Variants in CSMD1 observed in about 807,000 individuals in gnomAD.
CSMD1 encodes the protein CUB and sushi domain-containing protein 1.
In CSMD1, 213 loss-of-function variants were observed where a neutral mutation model predicts 417.5. The ratio of observed to expected loss-of-function variants is 0.51; its 90% CI spans 0.46 to 0.57. The LOEUF (loss-of-function observed/expected upper bound fraction) is 0.57, where lower values mean the gene tolerates loss of function less well. Among genes scored for constraint, CSMD1 ranks in the 20% least tolerant of loss-of-function variants. CSMD1 has a pLI of 0.00. For missense variants in CSMD1, 6,923 were observed against 4,529.7 expected (o/e 1.53, Z -15.17); for synonymous variants, 2,862 against 1,736.8 (o/e 1.65, Z -16.11).
rs746797973 is a variant in CSMD1, at chr8:3,387,510, G to C, written c.2766C>G (p.Ala922=). The change falls in exon 18 of 70, where the codon GCC becomes GCG. Residue 922 remains alanine (A), a synonymous_variant. Coordinates refer to ENST00000635120, the MANE Select transcript of CSMD1 (RefSeq NM_033225.6). The part of the protein sequence containing the change: ...VCERNHQWNH[A]LPSCDALCGG... Reference sequence around the variant, plus strand: ...TGTACCTACCGTCGCAGCTGGGCAAGGCGTGGTTCCACTGGTGGTTCCTCT... The same window carrying C: ...TGTACCTACCGTCGCAGCTGGGCAACGCGTGGTTCCACTGGTGGTTCCTCT... The C allele has an allele frequency of 1.6e-5, 25 of 1,601,218 alleles. No individual in the cohort carries two copies. The highest frequency in any genetic ancestry group is 2.7e-5 in the African/African-American group (2 of 74,818).
At chr8:3,540,244 T>G (rs1798381174) in intron 10 of CSMD1, among the ~76,000 whole-genome samples, 1 of 152,222 alleles carries the variant, frequency 6.6e-6, no homozygotes, top group Non-Finnish European at 1.5e-5. Context: ...CAGCACTTCC[T>G]GATTCAACTT....
intron 1 of CSMD1, among the ~76,000 whole-genome samples, chr8:4,929,494 A>T (rs1807092129): frequency 6.6e-6 from 1 of 152,180 alleles, no homozygotes; most frequent in African/African-American, 2.4e-5. Flanking sequence ...GAGATGCTGG[A>T]TATTTCAGGG....
chr8:4,842,044 C>T lies in CSMD1; in HGVS notation c.85+152288G>A, dbSNP rs150622347. On this transcript the variant is annotated intron_variant, in intron 1 of 69. Transcript: ENST00000635120. The stretch of plus-strand genomic sequence containing the variant: ...TTTTTCAAGGGAGCTGAGAGAGATG[C>T]TTTTCAATCAACATGTAAATTTCCT... 1.4e-3 allele frequency among the ~76,000 whole-genome samples: 214 copies of T among 151,218 alleles called. 2 individuals carry two copies. Among genetic ancestry groups the T allele is most frequent in the East Asian group, 9.8e-3 (50 of 5,094 alleles).
At chr8:4,192,346 G>C (rs916501230) in intron 3 of CSMD1, among the ~76,000 whole-genome samples, 2 of 152,116 alleles carry the variant, frequency 1.3e-5, no homozygotes, top group African/African-American at 4.8e-5. Flanking sequence ...GCTATAATCA[G>C]CAGTTCTTGG....
chr8:4,852,987 C>T (rs368867455), intron 1 of CSMD1, among the ~76,000 whole-genome samples: 5 of 152,268 alleles, frequency 3.3e-5, no homozygotes, highest in African/African-American at 1.2e-4. Flanking sequence ...CTGCTTATAA[C>T]AGTCTACACT....
At chr8:3,405,668 C>G (rs1212340013) in intron 15 of CSMD1, among the ~76,000 whole-genome samples, 1 of 152,126 alleles carries the variant, frequency 6.6e-6, no homozygotes, top group South Asian at 2.1e-4. Context: ...AATTTAGACA[C>G]AGGGACAGAC....
chr8:3,634,981 G>T (rs1283453954), intron 7 of CSMD1, among the ~76,000 whole-genome samples: 1 of 152,012 alleles, frequency 6.6e-6, no homozygotes, highest in Admixed American at 6.5e-5. Context: ...TAACACAATG[G>T]TAAGAAATTT....
At chr8:4,024,183 A>C (rs1479315898) in intron 4 of CSMD1, among the ~76,000 whole-genome samples, 1 of 152,188 alleles carries the variant, frequency 6.6e-6, no homozygotes, top group African/African-American at 2.4e-5. Context: ...TCCAGTTCAT[A>C]AATATAACAG....
At chr8:3,031,625 C>G (rs1005491269) in intron 50 of CSMD1, among the ~76,000 whole-genome samples, 1 of 151,856 alleles carries the variant, frequency 6.6e-6, no homozygotes, top group African/African-American at 2.4e-5. Flanking sequence ...GTCCTGAAGT[C>G]TTGGGTCAAG....
chr8:4,393,241 G>C (rs1394817769), intron 3 of CSMD1, among the ~76,000 whole-genome samples: 1 of 152,156 alleles, frequency 6.6e-6, no homozygotes, highest in East Asian at 1.9e-4. Flanking sequence ...CTCCCAAAGT[G>C]CTGGGATTAC....
rs558768287 is a variant in CSMD1 at position 3,294,927 on chromosome 8, C to G, written c.3951-10581G>C. Among the ~76,000 whole-genome samples the G allele has an allele frequency of 2.0e-5, 3 of 152,164 alleles. No individual in the cohort carries two copies. In the South Asian group the frequency reaches 6.2e-4, roughly 32 times the overall value. On this transcript the variant is annotated intron_variant, in intron 25 of 69. Transcript: ENST00000635120. The stretch of plus-strand genomic sequence containing the variant: ...TCTTCTGCGTCATTCATGCTGGGAG[C>G]TGTAGACTGGAGCTGTTCCTATTTG...
At chr8:2,965,413 A>G (rs968351505) in intron 59 of CSMD1, among the ~76,000 whole-genome samples, 3 of 151,978 alleles carry the variant, frequency 2.0e-5, no homozygotes, top group Admixed American at 6.6e-5. Context: ...AATTCCTACA[A>G]TTAGATTCAC....
rs370122067 is a variant in CSMD1 at position 4,031,606 on chromosome 8, T to C, written c.610+299A>G. Reference sequence around the variant, plus strand: ...CATATCAGAAGTCATAAACTTGCTATTGACTTTATGTGGTCCAAGCATGAC... The same window carrying C: ...CATATCAGAAGTCATAAACTTGCTACTGACTTTATGTGGTCCAAGCATGAC... On this transcript the variant is annotated intron_variant, in intron 4 of 69. Transcript: ENST00000635120. Among the ~76,000 whole-genome samples the C allele has an allele frequency of 2.4e-3, 364 of 152,216 alleles. 1 individual carries two copies. Among genetic ancestry groups the C allele is most frequent in the Middle Eastern group, 6.8e-3 (2 of 294 alleles).
chr8:3,603,528 G>A (rs1009139112), intron 8 of CSMD1, among the ~76,000 whole-genome samples: 1 of 152,040 alleles, frequency 6.6e-6, no homozygotes, highest in Non-Finnish European at 1.5e-5. Flanking sequence ...ATCACTTACA[G>A]AAATGAACAC....
chr8:4,979,873 T>A (rs933968492), intron 1 of CSMD1, among the ~76,000 whole-genome samples: 87 of 151,958 alleles, frequency 5.7e-4, no homozygotes, highest in African/African-American at 2.0e-3. Context: ...CCATCTCTAC[T>A]AAAAATACAA....
chr8:3,998,488 C>T (rs578178764), intron 4 of CSMD1, among the ~76,000 whole-genome samples: 49 of 152,160 alleles, frequency 3.2e-4, no homozygotes, highest in Middle Eastern at 3.4e-3. Flanking sequence ...AACATGTGGG[C>T]GTTTATTCAT....
In CSMD1 at chr8:3,119,124, G is replaced by A. The variant is rs187297732; in HGVS notation, c.6242-537C>T. On this transcript the variant is annotated intron_variant, in intron 41 of 69. Coordinates refer to ENST00000635120, the MANE Select transcript of CSMD1 (RefSeq NM_033225.6). Reference sequence around the variant, plus strand: ...GAACCTGGGAGGTGAAGTTTGCAGTGAGCCGAGATCTTGCCACTGCGCTCC... The same window carrying A: ...GAACCTGGGAGGTGAAGTTTGCAGTAAGCCGAGATCTTGCCACTGCGCTCC... 3.6e-3 allele frequency among the ~76,000 whole-genome samples: 545 copies of A among 152,056 alleles called. 4 individuals are homozygous for A. The highest frequency in any genetic ancestry group is 6.0e-3 in the Non-Finnish European group (406 of 67,978).
intron 5 of CSMD1, among the ~76,000 whole-genome samples, chr8:3,788,481 T>C (rs1406737421): frequency 6.6e-6 from 1 of 152,182 alleles, no homozygotes; most frequent in Non-Finnish European, 1.5e-5. Flanking sequence ...TGGGGAATTC[T>C]TTCCTACTTA....
At position 3,303,941 on chromosome 8, in the gene CSMD1, TGCGCCCCA is replaced by T. The variant is rs1804610198; in HGVS notation, c.3950+3746_3950+3753del. Among the ~76,000 whole-genome samples, 6 of 75,020 alleles carry T rather than the reference TGCGCCCCA, an allele frequency of 8.0e-5. No individual in the cohort carries two copies. The South Asian group carries it at 1.8e-3, about 23-fold the overall frequency. The allele number at this position is 75,020 out of a possible 152,430, so 49.2% of individuals were successfully genotyped here. Reference sequence around the variant, plus strand: ...CATAATAATAACTATTTTGGGGTATTGCGCCCCATTATAATAACTATTTTGGGGTATTC... The same window carrying T: ...CATAATAATAACTATTTTGGGGTATTTTATAATAACTATTTTGGGGTATTC... On this transcript the variant is annotated intron_variant, in intron 25 of 69. Coordinates refer to ENST00000635120, the MANE Select transcript of CSMD1 (RefSeq NM_033225.6).
Sources: allele counts gnomAD v4.1 joint callset (sites outside exome capture counted in the v4.1 genomes callset), GRCh38; gene constraint gnomAD v4.1.1; transcripts MANE v1.5; gene names NCBI Gene and HGNC (gene_info 2026-07-23, HGNC 2026-07-21).